The following DCBLD2 variants were observed in gnomAD, a reference collection of about 807,000 sequenced individuals.
DCBLD2 encodes the protein discoidin, CUB and LCCL domain-containing protein 2.
Under a neutral mutation model 86.8 loss-of-function variants are expected in DCBLD2, and 54 were observed. That is an observed-to-expected ratio of 0.62 (90% confidence interval 0.50 to 0.78). The LOEUF is 0.78. Ranked by LOEUF, DCBLD2 falls within the 30% of genes least tolerant of loss-of-function variation. The pLI is 0.00. For missense variants in DCBLD2, 908 were observed against 954.2 expected (o/e 0.95, Z 0.64); for synonymous variants, 354 against 341.3 (o/e 1.04, Z -0.41).
chr3:98,889,068 C>T (rs781143534), intron 1 of DCBLD2, among the ~76,000 whole-genome samples: 1 of 152,030 alleles, frequency 6.6e-6, no homozygotes, highest in Non-Finnish European at 1.5e-5. Flanking sequence ...CTGGGCCTCA[C>T]GTCCAATACA....
In DCBLD2 at chr3:98,901,409, C is replaced by T; in HGVS notation, c.-83G>A. ...CTGGCCGCGGCACCCGACCAGGAGA[C>T]GGCGGCAGCGGCGGGAGAACAAGAG... On this transcript the variant is annotated 5_prime_UTR_variant, in exon 1 of 16. Transcript: ENST00000326840. 4.1e-6 allele frequency: 5 copies of T among 1,229,944 alleles called. No homozygotes were observed. Among genetic ancestry groups the T allele is most frequent in the Non-Finnish European group, 5.1e-6 (5 of 982,802 alleles). The allele number at this position is 1,229,944 out of a possible 1,614,324, so 76.2% of individuals were successfully genotyped here. A position where few individuals can be genotyped will look rare whatever the true frequency, so the allele number is the denominator to read the frequency against.
intron 3 of DCBLD2, among the ~76,000 whole-genome samples, chr3:98,839,025 C>CCGTG (rs1559781262): frequency 9.4e-5 from 14 of 149,698 alleles, no homozygotes; most frequent in Admixed American, 4.6e-4. Flanking sequence ...GGGAGACCGT[C>CCGTG]GGGAGAGGGA....
chr3:98,819,583 G>A (rs1439595782), intron 7 of DCBLD2, 166 bp from the exon 8 acceptor site: 2 of 700,120 alleles, frequency 2.9e-6, no homozygotes, highest in Non-Finnish European at 2.4e-6. Context: ...TTGGGCATAT[G>A]TCTTTGTGTA....
chr3:98,881,254 C>CAA (rs1396511949), intron 2 of DCBLD2, among the ~76,000 whole-genome samples: 2 of 59,774 alleles, frequency 3.3e-5, no homozygotes, highest in South Asian at 6.1e-4. Flanking sequence ...GACTCTGTCT[C>CAA]AAAAAAAAAA....
rs757783968 is a variant in DCBLD2 at position 98,800,732 on chromosome 3, A to G, written c.1721-16T>C. ...TTCCACCAACCTTCATTGTGACGGC[A>G]AGCCAAAGAGACCATTAAATAAAAA... On this transcript the variant is annotated splice_polypyrimidine_tract_variant and intron_variant, in intron 14 of 15. Coordinates refer to ENST00000326840, the MANE Select transcript of DCBLD2 (RefSeq NM_080927.4). 3 of 1,613,946 alleles carry G rather than the reference A, an allele frequency of 1.9e-6. No individual in the cohort carries two copies. The African/African-American group carries it at 4.0e-5, about 22-fold the overall frequency.
chr3:98,832,981 G>A (rs192602327), intron 3 of DCBLD2, among the ~76,000 whole-genome samples: 189 of 152,274 alleles, frequency 1.2e-3, no homozygotes, highest in Non-Finnish European at 2.0e-3. Flanking sequence ...CCTCTCTAGC[G>A]AGGCTGGGGA....
chr3:98,825,259 A>C, intron 4 of DCBLD2, 56 bp downstream of exon 4: 1 of 1,290,706 alleles, frequency 7.7e-7, no homozygotes, highest in South Asian at 1.5e-5. Flanking sequence ...TGAAGAAGTG[A>C]ATGAAAAGTA....
intron 3 of DCBLD2, among the ~76,000 whole-genome samples, chr3:98,829,732 T>C (rs1055004112): frequency 6.6e-5 from 10 of 152,142 alleles, no homozygotes; most frequent in Non-Finnish European, 7.4e-5. Context: ...ATGAACAATA[T>C]GAGTGCAATT....
intron 3 of DCBLD2, among the ~76,000 whole-genome samples, chr3:98,827,173 C>T (rs1942238667): frequency 6.6e-6 from 1 of 152,042 alleles, no homozygotes; most frequent in South Asian, 2.1e-4. Context: ...AGGATAGATG[C>T]CTAAATAGGG....
intron 3 of DCBLD2, among the ~76,000 whole-genome samples, chr3:98,847,827 T>A (rs2439232): frequency 0.9 from 136,950 of 151,530 alleles, 61,906 homozygotes; most frequent in Middle Eastern, 0.98. Context: ...TAGCAACACT[T>A]ATTAAACTTT....
intron 14 of DCBLD2, 102 bp downstream of exon 14, chr3:98,801,498 G>T: frequency 1.2e-6 from 1 of 825,490 alleles, no homozygotes; most frequent in Non-Finnish European, 1.9e-6. Context: ...CAGTGTCGGG[G>T]AGTTCACCTG....
At chr3:98,896,758 C>A (rs1359812552) in intron 1 of DCBLD2, among the ~76,000 whole-genome samples, 2 of 152,140 alleles carry the variant, frequency 1.3e-5, no homozygotes, top group Non-Finnish European at 1.5e-5. Context: ...AAAACCGAAT[C>A]CAGGAGCCAC....
intron 3 of DCBLD2, among the ~76,000 whole-genome samples, chr3:98,839,571 G>C (rs1197159018): frequency 6.6e-6 from 1 of 152,172 alleles, no homozygotes; most frequent in Non-Finnish European, 1.5e-5. Flanking sequence ...GTATTGATGG[G>C]TGAAATAAAG....
At chr3:98,854,427 A>G (rs911954855) in intron 2 of DCBLD2, among the ~76,000 whole-genome samples, 9 of 152,178 alleles carry the variant, frequency 5.9e-5, no homozygotes, top group Admixed American at 6.5e-5. Flanking sequence ...TATACTGTGA[A>G]TAAGCTGTCC....
intron 1 of DCBLD2, chr3:98,900,740 G>A: frequency 7.9e-6 from 2 of 253,604 alleles, no homozygotes; most frequent in South Asian, 9.1e-5. Context: ...GGCTTAAGAT[G>A]CTATTTAATT....
chr3:98,870,757 G>GAA lies in DCBLD2; in HGVS notation c.433+10781_433+10782dup, dbSNP rs71124008. ...AAAGAAAAAGAAAGAAAGAAAGAAA[G>GAA]AAAGAAAGAAAGAAAGAAAGAAAGA... On this transcript the variant is annotated intron_variant, in intron 2 of 15. Transcript: ENST00000326840. Among the ~76,000 whole-genome samples, 11 of 111,514 alleles carry GAA rather than the reference G, an allele frequency of 9.9e-5. 1 individual carries two copies. The highest frequency in any genetic ancestry group is 2.7e-4 in the Admixed American group (3 of 11,262). 73.2% of individuals were successfully genotyped at this position (111,514 alleles called of 152,430 possible). A position where few individuals can be genotyped will look rare whatever the true frequency, so the allele number is the denominator to read the frequency against.
chr3:98,839,825 G>A (rs1039885419), intron 3 of DCBLD2, among the ~76,000 whole-genome samples: 1 of 152,198 alleles, frequency 6.6e-6, no homozygotes, highest in Non-Finnish European at 1.5e-5. Flanking sequence ...ATGAGAACAA[G>A]GAAGTTTTAA....
chr3:98,818,000 T>G (rs2107443339), intron 8 of DCBLD2, 107 bp from the exon 9 acceptor site: 1 of 1,363,250 alleles, frequency 7.3e-7, no homozygotes, highest in Middle Eastern at 1.9e-4. Flanking sequence ...CATTTCTAAT[T>G]ATGGCTCATT....
At chr3:98,848,483 T>A (rs973547121) in intron 3 of DCBLD2, among the ~76,000 whole-genome samples, 2 of 152,210 alleles carry the variant, frequency 1.3e-5, no homozygotes, top group Non-Finnish European at 2.9e-5. Context: ...TGGGTATATA[T>A]CCAGTAATAG....
Sources: gnomAD v4.1 joint callset for allele counts (sites outside exome capture counted in the v4.1 genomes callset) on GRCh38, gnomAD v4.1.1 for gene constraint, MANE v1.5 for transcripts, NCBI Gene and HGNC (gene_info 2026-07-23, HGNC 2026-07-21) for gene names.